The following EPHA3 variants were observed in gnomAD, a reference collection of about 807,000 sequenced individuals.
The protein encoded by EPHA3 is EPH receptor A3.
A neutral mutation model predicts 107.1 loss-of-function variants in EPHA3; 42 were observed. The ratio of observed to expected loss-of-function variants is 0.39; its 90% confidence interval spans 0.31 to 0.51. The LOEUF is 0.51. Among genes scored for constraint, EPHA3 ranks in the 20% least tolerant of loss-of-function variants. The pLI is 0.78. For missense variants in EPHA3, 1,183 were observed against 1,211.2 expected (o/e 0.98, Z 0.35); for synonymous variants, 461 against 424.8 (o/e 1.09, Z -1.05).
chr3:89,445,214 C>T (rs1192388368), intron 13 of EPHA3, among the ~76,000 whole-genome samples: 2 of 151,950 alleles, frequency 1.3e-5, no homozygotes, highest in African/African-American at 2.4e-5. Flanking sequence ...TGCAGTGAGC[C>T]GAGAACGCAC....
chr3:89,315,118 C>A (rs1349543806), intron 3 of EPHA3, among the ~76,000 whole-genome samples: 1 of 151,798 alleles, frequency 6.6e-6, no homozygotes, highest in Non-Finnish European at 1.5e-5. Context: ...CACTGTCATG[C>A]ACGCTGTCCA....
chr3:89,338,105 C>T (rs1364755412), intron 3 of EPHA3, among the ~76,000 whole-genome samples: 1 of 152,190 alleles, frequency 6.6e-6, no homozygotes, highest in Admixed American at 6.5e-5. Context: ...TCTTTGCCCA[C>T]CTTTTTGTCC....
Position 89,230,296 on chromosome 3 carries a change from C to T in EPHA3, c.814+19776C>T, listed in dbSNP as rs140367371. ...GCCTCTAGATAGGAGGAGTTTTTGCCTAGGTGTATCATCTCCATCACCACC... is the reference window on the plus strand; with the variant it reads ...GCCTCTAGATAGGAGGAGTTTTTGCTTAGGTGTATCATCTCCATCACCACC... On this transcript the variant is annotated intron_variant, in intron 3 of 16. Transcript: ENST00000336596. Among the ~76,000 whole-genome samples, 3 of 152,052 alleles carry T rather than the reference C, an allele frequency of 2.0e-5. No individual in the cohort carries two copies. The East Asian group carries it at 5.8e-4, about 30-fold the overall frequency.
chr3:89,219,133 T>C (rs1355864392), intron 3 of EPHA3, among the ~76,000 whole-genome samples: 2 of 152,170 alleles, frequency 1.3e-5, no homozygotes, highest in Non-Finnish European at 2.9e-5. Context: ...TGGAGTTTAA[T>C]ATTTCATCAT....
rs763841862 is a variant in EPHA3 at position 89,407,351 on chromosome 3, C to T, written c.1677C>T (p.Val559=). 4 of 1,613,416 alleles carry T rather than the reference C, an allele frequency of 2.5e-6. No individual in the cohort carries two copies. The highest frequency in any genetic ancestry group is 3.4e-6 in the Non-Finnish European group (4 of 1,179,518). ...AAVAIILLTV[V]IYVLIGRFCG... ...TAGCAATTATTCTCCTCACTGTTGT[C>T]ATCTATGTTTTGATTGGGAGGTGAG... Residue 559 remains valine (V), a synonymous_variant, in exon 8 of 17, where the codon GTC becomes GTT. Transcript: ENST00000336596.
At chr3:89,230,822 T>TCACACACACA (rs1247637593) in intron 3 of EPHA3, among the ~76,000 whole-genome samples, 6 of 144,052 alleles carry the variant, frequency 4.2e-5, no homozygotes, top group African/African-American at 1.7e-4. Context: ...TCTCTCTCTC[T>TCACACACACA]CTCACACACA....
intron 15 of EPHA3, among the ~76,000 whole-genome samples, chr3:89,468,738 G>T (rs1710340091): frequency 6.6e-6 from 1 of 152,084 alleles, no homozygotes; most frequent in South Asian, 2.1e-4. Flanking sequence ...GTGGTTCAAT[G>T]ACTTATCCAA....
At chr3:89,168,676 A>G (rs1705135275) in intron 2 of EPHA3, among the ~76,000 whole-genome samples, 1 of 152,062 alleles carries the variant, frequency 6.6e-6, no homozygotes, top group Non-Finnish European at 1.5e-5. Context: ...GCTTCTTGAA[A>G]TAGAGAAGCT....
intron 3 of EPHA3, among the ~76,000 whole-genome samples, chr3:89,218,603 G>A (rs1032614912): frequency 6.6e-6 from 1 of 152,020 alleles, no homozygotes; most frequent in Non-Finnish European, 1.5e-5. Flanking sequence ...ACATACGTTT[G>A]CATGTGTCTT....
intron 15 of EPHA3, among the ~76,000 whole-genome samples, chr3:89,456,076 T>G (rs1710092617): frequency 6.6e-6 from 1 of 152,204 alleles, no homozygotes; most frequent in African/African-American, 2.4e-5. Flanking sequence ...AATTTACATT[T>G]CAAAAGATGC....
At chr3:89,211,742 CCTT>C (rs1206791496) in intron 3 of EPHA3, among the ~76,000 whole-genome samples, 742 of 19,352 alleles carry the variant, frequency 0.038, 9 homozygotes, top group East Asian at 0.057. Context: ...TTCTTCTTCT[CCTT>C]CTTCTTCTTC....
At chr3:89,414,702 A>G (rs1709215457) in intron 10 of EPHA3, among the ~76,000 whole-genome samples, 1 of 151,640 alleles carries the variant, frequency 6.6e-6, no homozygotes, top group African/African-American at 2.4e-5. Context: ...CATTATTATG[A>G]TGTTGAAATT....
intron 2 of EPHA3, among the ~76,000 whole-genome samples, chr3:89,197,169 T>C (rs1380592478): frequency 6.6e-6 from 1 of 152,126 alleles, no homozygotes; most frequent in Non-Finnish European, 1.5e-5. Flanking sequence ...CTCAACTACT[T>C]CTCTGATGTA....
intron 3 of EPHA3, among the ~76,000 whole-genome samples, chr3:89,219,707 T>G (rs1324286769): frequency 0.015 from 284 of 19,556 alleles, 44 homozygotes; most frequent in Non-Finnish European, 0.026. Flanking sequence ...TTTTTTGTTT[T>G]TTGTTTTTTT....
intron 1 of EPHA3, among the ~76,000 whole-genome samples, chr3:89,121,980 G>C (rs565532743): frequency 6.6e-6 from 1 of 152,168 alleles, no homozygotes; most frequent in African/African-American, 2.4e-5. Context: ...AGAAAATATA[G>C]GTCGATTTCT....
At chr3:89,180,632 G>T (rs1010173101) in intron 2 of EPHA3, among the ~76,000 whole-genome samples, 4 of 151,898 alleles carry the variant, frequency 2.6e-5, no homozygotes, top group Admixed American at 2.0e-4. Flanking sequence ...GCCATAGAAG[G>T]TTAAGGTTTG....
intron 6 of EPHA3, 61 bp downstream of exon 6, chr3:89,396,022 G>T (rs1159314923): frequency 6.3e-7 from 1 of 1,585,548 alleles, no homozygotes; most frequent in Non-Finnish European, 8.6e-7. Context: ...CTCATGAGCT[G>T]TGCTCTTGCA....
At position 89,363,548 on chromosome 3, in the gene EPHA3, C is replaced by T. The variant is rs1041369219; in HGVS notation, c.1306+21458C>T. On this transcript the variant is annotated intron_variant, in intron 5 of 16. Coordinates refer to ENST00000336596, the MANE Select transcript of EPHA3 (RefSeq NM_005233.6). ...CAATCTGCTTTACTCAAAAGTGTGC[C>T]GATTTAAATGTTAATATCATCTGAA... 2.0e-5 allele frequency among the ~76,000 whole-genome samples: 3 copies of T among 150,644 alleles called. 1 individual carries two copies. Among genetic ancestry groups the T allele is most frequent in the Admixed American group, 1.3e-4 (2 of 14,966 alleles).
At chr3:89,289,940 T>C (rs1478653654) in intron 3 of EPHA3, among the ~76,000 whole-genome samples, 4 of 152,168 alleles carry the variant, frequency 2.6e-5, no homozygotes, top group African/African-American at 9.6e-5. Flanking sequence ...GTTTCTGGGT[T>C]GTGAACATCA....
Sources: allele counts gnomAD v4.1 joint callset (sites outside exome capture counted in the v4.1 genomes callset), GRCh38; gene constraint gnomAD v4.1.1; transcripts MANE v1.5; gene names NCBI Gene and HGNC (gene_info 2026-07-23, HGNC 2026-07-21).